The following PEBP4 variants were observed in gnomAD, a reference collection of about 807,000 sequenced individuals.
The protein encoded by PEBP4 is phosphatidylethanolamine-binding protein 4.
PEBP4 carries 22 observed loss-of-function variants against 23.9 expected under a neutral mutation model. The observed-to-expected ratio is 0.92, with a 90% CI of 0.66 to 1.31. The LOEUF (loss-of-function observed/expected upper bound fraction) is 1.31, where lower values mean the gene tolerates loss of function less well. Ranked by LOEUF, PEBP4 falls within the 40% of genes most tolerant of loss-of-function variation. The pLI is 0.00. For missense variants in PEBP4, 324 were observed against 281.7 expected, an observed-to-expected ratio of 1.15 and a Z score of -1.07; for synonymous variants, 112 against 99.3, an observed-to-expected ratio of 1.13 and a Z score of -0.76.
At chr8:22,863,910 T>C (rs528035239) in intron 3 of PEBP4, among the ~76,000 whole-genome samples, 1 of 152,310 alleles carries the variant, frequency 6.6e-6, no homozygotes, top group South Asian at 2.1e-4. Context: ...CGCTGTCCTC[T>C]CCAAGACACT....
At chr8:22,897,816 A>T (rs1808619513) in intron 3 of PEBP4, 1 of 152,146 alleles carries the variant, frequency 6.6e-6, no homozygotes, top group Non-Finnish European at 1.5e-5. Context: ...TGTCTCCCAA[A>T]ATTCCTATGT....
intron 3 of PEBP4, among the ~76,000 whole-genome samples, chr8:22,832,706 G>C (rs1408503136): frequency 6.6e-6 from 1 of 152,190 alleles, no homozygotes; most frequent in Non-Finnish European, 1.5e-5. Flanking sequence ...AGACAGTCCT[G>C]AGTCCTAGAA....
intron 3 of PEBP4, among the ~76,000 whole-genome samples, chr8:22,918,977 A>G (rs1563261274): frequency 6.6e-6 from 1 of 152,056 alleles, no homozygotes; most frequent in Non-Finnish European, 1.5e-5. Flanking sequence ...TCGTCTTCCC[A>G]AAGGAAAGGG....
intron 1 of PEBP4, among the ~76,000 whole-genome samples, chr8:22,936,014 T>G (rs1266399691): frequency 8.8e-6 from 1 of 113,560 alleles, no homozygotes; most frequent in Non-Finnish European, 1.8e-5. Flanking sequence ...CTTAAGGAGC[T>G]AGGGAAAAAA....
intron 4 of PEBP4, among the ~76,000 whole-genome samples, chr8:22,776,351 G>C (rs7013223): frequency 0.59 from 89,931 of 152,024 alleles, 27,774 homozygotes; most frequent in Non-Finnish European, 0.67. Flanking sequence ...AGAGGCCAAT[G>C]TATGTTGACG....
intron 3 of PEBP4, among the ~76,000 whole-genome samples, chr8:22,911,198 C>T (rs1808931989): frequency 6.6e-6 from 1 of 152,218 alleles, no homozygotes; most frequent in South Asian, 2.1e-4. Flanking sequence ...CCTGCTCTGC[C>T]TGCCATGACA....
chr8:22,833,410 C>T (rs1024762488), intron 3 of PEBP4, among the ~76,000 whole-genome samples: 6 of 152,210 alleles, frequency 3.9e-5, no homozygotes, highest in Non-Finnish European at 8.8e-5. Context: ...CGGCTTACTG[C>T]AACCTCCGCC....
At chr8:22,867,763 A>G (rs1807935077) in intron 3 of PEBP4, among the ~76,000 whole-genome samples, 1 of 152,194 alleles carries the variant, frequency 6.6e-6, no homozygotes, top group African/African-American at 2.4e-5. Flanking sequence ...CATTGCATGA[A>G]ATTCACCATC....
At chr8:22,895,519 A>AT (rs1808571692) in intron 3 of PEBP4, 1 of 152,194 alleles carries the variant, frequency 6.6e-6, no homozygotes, top group Non-Finnish European at 1.5e-5. Flanking sequence ...ATCTAGGTGG[A>AT]TTTTTTTAAA....
chr8:22,773,169 C>G (rs962295925), intron 4 of PEBP4, among the ~76,000 whole-genome samples: 2 of 152,194 alleles, frequency 1.3e-5, no homozygotes, highest in African/African-American at 4.8e-5. Flanking sequence ...GATAAATTAG[C>G]ACTAATTGGT....
At position 22,920,534 on chromosome 8, in the gene PEBP4, G is replaced by A. The variant is rs192106240; in HGVS notation, c.132-224C>T. Among the ~76,000 whole-genome samples, 6 of 152,340 alleles carry A rather than the reference G, an allele frequency of 3.9e-5. No homozygotes were observed. In the East Asian group the frequency reaches 1.2e-3, roughly 29 times the overall value. On this transcript the variant is annotated intron_variant, in intron 2 of 6. Coordinates refer to ENST00000256404, the MANE Select transcript of PEBP4 (RefSeq NM_144962.3). ...ATAATTCCTCCCTCATGGAGTCAGT[G>A]TGAGAAGAAAAGTGGCGGTCAATGG...
intron 4 of PEBP4, among the ~76,000 whole-genome samples, chr8:22,808,019 C>T (rs1201202140): frequency 6.6e-6 from 1 of 151,966 alleles, no homozygotes; most frequent in Non-Finnish European, 1.5e-5. Flanking sequence ...CACCTACCTA[C>T]CTAATCTTTA....
At chr8:22,760,694 C>T (rs1009580316) in intron 4 of PEBP4, among the ~76,000 whole-genome samples, 2 of 152,128 alleles carry the variant, frequency 1.3e-5, no homozygotes, top group African/African-American at 4.8e-5. Context: ...CCCCAGGCTA[C>T]TACTTAGTAA....
intron 6 of PEBP4, among the ~76,000 whole-genome samples, chr8:22,720,483 C>T (rs1804496619): frequency 6.6e-6 from 1 of 152,184 alleles, no homozygotes; most frequent in South Asian, 2.1e-4. Flanking sequence ...GTGTGCCGCA[C>T]ACAAGGGCAA....
At chr8:22,794,069 T>A (rs1470519408) in intron 4 of PEBP4, among the ~76,000 whole-genome samples, 2 of 152,188 alleles carry the variant, frequency 1.3e-5, no homozygotes, top group Non-Finnish European at 2.9e-5. Flanking sequence ...CATTTCCAAC[T>A]GCCAGGGTCG....
intron 3 of PEBP4, among the ~76,000 whole-genome samples, chr8:22,818,690 A>T (rs1585290310): frequency 6.6e-6 from 1 of 152,314 alleles, no homozygotes; most frequent in Non-Finnish European, 1.5e-5. Flanking sequence ...GTAGAAAATG[A>T]ATGATCTCCA....
intron 3 of PEBP4, among the ~76,000 whole-genome samples, chr8:22,913,308 T>A: frequency 6.6e-6 from 1 of 152,064 alleles, no homozygotes; most frequent in South Asian, 2.1e-4. Flanking sequence ...CCATGCAGCC[T>A]CTCCCAGCAG....
At chr8:22,783,282 G>A (rs1438885447) in intron 4 of PEBP4, among the ~76,000 whole-genome samples, 1 of 152,242 alleles carries the variant, frequency 6.6e-6, no homozygotes, top group Non-Finnish European at 1.5e-5. Flanking sequence ...TTCATTCTGT[G>A]TTCCCTCTGG....
chr8:22,809,692 C>G (rs1563223257), intron 4 of PEBP4, among the ~76,000 whole-genome samples: 1 of 152,222 alleles, frequency 6.6e-6, no homozygotes, highest in Non-Finnish European at 1.5e-5. Flanking sequence ...CTTGGCATCA[C>G]TTGCCAAGTG....
Sources: gnomAD v4.1 joint callset for allele counts (sites outside exome capture counted in the v4.1 genomes callset) on GRCh38, gnomAD v4.1.1 for gene constraint, MANE v1.5 for transcripts, NCBI Gene and HGNC (gene_info 2026-07-23, HGNC 2026-07-21) for gene names.